Variants in FRMD4A observed in about 807,000 individuals in gnomAD.
FRMD4A encodes FERM domain containing 4A.
FRMD4A carries 29 observed loss-of-function variants against 129.1 expected under a neutral mutation model. That is an observed-to-expected ratio of 0.22 (90% CI 0.17 to 0.31). The LOEUF (loss-of-function observed/expected upper bound fraction) is 0.31, where lower values mean the gene tolerates loss of function less well. Ranked by LOEUF, FRMD4A falls within the 10% of genes least tolerant of loss-of-function variation. The probability of loss-of-function intolerance (pLI) is 1.00; values close to 1 mark genes in which losing one functional copy is unlikely to be tolerated. For missense variants in FRMD4A, 1,272 were observed against 1,375.8 expected (o/e 0.92, Z 1.19); for synonymous variants, 634 against 571.6 (o/e 1.11, Z -1.56).
intron 8 of FRMD4A, among the ~76,000 whole-genome samples, chr10:13,753,541 ATTTTTTT>A (rs35813128): frequency 3.5e-5 from 4 of 115,308 alleles, no homozygotes; most frequent in Admixed American, 2.0e-4. Context: ...GTACCTTTCT[ATTTTTTT>A]TTTTTTTTTT....
intron 2 of FRMD4A, among the ~76,000 whole-genome samples, chr10:14,204,622 G>C (rs1383700935): frequency 6.6e-6 from 1 of 152,002 alleles, no homozygotes; most frequent in Non-Finnish European, 1.5e-5. Context: ...AAGGTAAACA[G>C]CACATGGGGC....
chr10:13,921,488 T>C (rs2095072700), intron 2 of FRMD4A, among the ~76,000 whole-genome samples: 1 of 152,158 alleles, frequency 6.6e-6, no homozygotes, highest in Non-Finnish European at 1.5e-5. Context: ...CTCAAACTCC[T>C]GGGCTAAAGT....
chr10:13,646,853 G>A lies in FRMD4A; in HGVS notation c.*185C>T, dbSNP rs1272185678. On this transcript the variant is annotated 3_prime_UTR_variant, in exon 25 of 25. Transcript: ENST00000357447. ...GGGCCAAAGCTGGTGCAGGGTGACG[G>A]TGCGTCTGGGTAAGGCAAATGAGAG... 4 of 213,092 alleles carry A rather than the reference G, an allele frequency of 1.9e-5. No homozygotes were observed. The highest frequency in any genetic ancestry group is 2.4e-5 in the Non-Finnish European group (3 of 123,262). 13.2% of individuals were successfully genotyped at this position (213,092 alleles called of 1,614,324 possible).
At chr10:13,893,105 C>T (rs570411325) in intron 2 of FRMD4A, among the ~76,000 whole-genome samples, 1 of 152,166 alleles carries the variant, frequency 6.6e-6, no homozygotes, top group South Asian at 2.1e-4. Context: ...GGTGTGATCA[C>T]GGCTCACTGT....
intron 2 of FRMD4A, among the ~76,000 whole-genome samples, chr10:13,942,923 C>T (rs2095304175): frequency 6.6e-6 from 1 of 151,494 alleles, no homozygotes; most frequent in African/African-American, 2.4e-5. Flanking sequence ...AAGAGTGAGA[C>T]TCCATCTCAA....
At chr10:13,857,298 C>T (rs1022290053) in intron 3 of FRMD4A, among the ~76,000 whole-genome samples, 2 of 151,908 alleles carry the variant, frequency 1.3e-5, no homozygotes, top group South Asian at 2.1e-4. Context: ...AGGAGAATGA[C>T]AATTTACAGT....
intron 3 of FRMD4A, among the ~76,000 whole-genome samples, chr10:13,831,404 G>T (rs1259592228): frequency 1.3e-5 from 2 of 152,248 alleles, no homozygotes; most frequent in East Asian, 1.9e-4. Flanking sequence ...AGCTATGATT[G>T]CACCACTGCA....
intron 2 of FRMD4A, among the ~76,000 whole-genome samples, chr10:13,919,394 A>C (rs945619558): frequency 2.0e-5 from 3 of 152,198 alleles, no homozygotes; most frequent in African/African-American, 7.2e-5. Flanking sequence ...AGTGTGAATA[A>C]TTTGGCAGGG....
intron 12 of FRMD4A, chr10:13,707,966 A>T: frequency 1.2e-6 from 1 of 837,684 alleles, no homozygotes; most frequent in South Asian, 5.4e-5. Flanking sequence ...GGTTCCTTTC[A>T]TTGGATGAAA....
chr10:13,795,493 T>C (rs981271536), intron 5 of FRMD4A, among the ~76,000 whole-genome samples: 2 of 152,246 alleles, frequency 1.3e-5, no homozygotes, highest in African/African-American at 4.8e-5. Flanking sequence ...GGCTTAAGGA[T>C]GCCTATGTCT....
Position 14,008,226 on chromosome 10 carries a change from G to C in FRMD4A, c.46-149314C>G, listed in dbSNP as rs1458042154. Reference sequence around the variant, plus strand: ...TGTGTGTGTGTTCCCAGCAAAGGGAGAGAAGGAGCCTCCCTCAAAAATAAG... The same window carrying C: ...TGTGTGTGTGTTCCCAGCAAAGGGACAGAAGGAGCCTCCCTCAAAAATAAG... On this transcript the variant is annotated intron_variant, in intron 2 of 24. Transcript: ENST00000357447. 3 of 1,106,006 alleles carry C rather than the reference G, an allele frequency of 2.7e-6. No individual in the cohort carries two copies. The African/African-American group carries it at 5.1e-5, about 19-fold the overall frequency. 68.5% of individuals were successfully genotyped at this position (1,106,006 alleles called of 1,614,324 possible). A position where few individuals can be genotyped will look rare whatever the true frequency, so the allele number is the denominator to read the frequency against.
intron 15 of FRMD4A, among the ~76,000 whole-genome samples, chr10:13,686,034 T>C (rs992031941): frequency 6.6e-6 from 1 of 152,014 alleles, no homozygotes; most frequent in Non-Finnish European, 1.5e-5. Context: ...TCCAGAACCA[T>C]CCATTCCCCA....
intron 2 of FRMD4A, among the ~76,000 whole-genome samples, chr10:14,068,210 G>A (rs372061223): frequency 8.5e-4 from 130 of 152,336 alleles, no homozygotes; most frequent in African/African-American, 3.0e-3. Context: ...CAGGCTGGGG[G>A]CGCAGGGGTT....
At position 13,962,746 on chromosome 10, in the gene FRMD4A, A is replaced by G. The variant is rs531659781; in HGVS notation, c.46-103834T>C. ...CTCTTGATCAAAAGCTCAAATTCTC[A>G]GTTGATTCCCACAGTGCTTTGGTGG... On this transcript the variant is annotated intron_variant, in intron 2 of 24. Coordinates refer to ENST00000357447, the MANE Select transcript of FRMD4A (RefSeq NM_018027.5). 2.0e-5 allele frequency among the ~76,000 whole-genome samples: 3 copies of G among 152,340 alleles called. No individual in the cohort carries two copies. In the South Asian group the frequency reaches 6.2e-4, roughly 32 times the overall value.
chr10:13,961,537 C>T (rs539277469), intron 2 of FRMD4A, among the ~76,000 whole-genome samples: 2 of 152,178 alleles, frequency 1.3e-5, no homozygotes, highest in Non-Finnish European at 2.9e-5. Flanking sequence ...TCTTGTCCTC[C>T]CATCTGCCAT....
Position 13,766,441 on chromosome 10 carries a change from C to T in FRMD4A, c.385-3761G>A, listed in dbSNP as rs114773534. 7.7e-3 allele frequency among the ~76,000 whole-genome samples: 1,174 copies of T among 152,260 alleles called. 21 individuals carry two copies. Among genetic ancestry groups the T allele is most frequent in the African/African-American group, 0.027 (1,129 of 41,556 alleles). On this transcript the variant is annotated intron_variant, in intron 6 of 24. Coordinates refer to ENST00000357447, the MANE Select transcript of FRMD4A (RefSeq NM_018027.5). ...GAGGGAAAATGATTAAAGATTCAAG[C>T]GCCCCAGGCATTGCACATGCTTACA...
At chr10:13,986,698 A>G (rs1280301088) in intron 2 of FRMD4A, among the ~76,000 whole-genome samples, 1 of 150,328 alleles carries the variant, frequency 6.7e-6, no homozygotes, top group Non-Finnish European at 1.5e-5. Context: ...GGAAAAAAAA[A>G]AAAGAAAAGC....
At chr10:13,979,737 C>T (rs1320321326) in intron 2 of FRMD4A, among the ~76,000 whole-genome samples, 1 of 152,166 alleles carries the variant, frequency 6.6e-6, no homozygotes, top group East Asian at 1.9e-4. Flanking sequence ...CCTAAAGTAG[C>T]AGTCTTTCTT....
At chr10:13,969,540 C>T (rs893616614) in intron 2 of FRMD4A, among the ~76,000 whole-genome samples, 11 of 152,134 alleles carry the variant, frequency 7.2e-5, no homozygotes, top group African/African-American at 2.7e-4. Flanking sequence ...GCTAGCCCAC[C>T]CTGCTTAGTT....
Sources: allele counts gnomAD v4.1 joint callset (sites outside exome capture counted in the v4.1 genomes callset), GRCh38; gene constraint gnomAD v4.1.1; transcripts MANE v1.5; gene names NCBI Gene and HGNC (gene_info 2026-07-23, HGNC 2026-07-21).